ZCWPW2: variants seen among roughly 807,000 people sequenced by gnomAD.
ZCWPW2 encodes the protein zinc finger CW-type and PWWP domain containing 2.
Under a neutral mutation model 46.6 loss-of-function variants are expected in ZCWPW2, and 45 were observed. That is an observed-to-expected ratio of 0.96 (90% confidence interval 0.76 to 1.24). ZCWPW2 has a LOEUF of 1.24. ZCWPW2 is among the 50% of genes most tolerant of loss of function. The pLI, the probability that ZCWPW2 is intolerant of heterozygous loss-of-function variation, is 0.00. For synonymous variants in ZCWPW2, 152 were observed against 137.1 expected (o/e 1.11, Z -0.76); for missense variants, 429 against 403.9 (o/e 1.06, Z -0.53).
At chr3:28,362,538 A>T (rs1158986319) in intron 1 of ZCWPW2, among the ~76,000 whole-genome samples, 1 of 152,192 alleles carries the variant, frequency 6.6e-6, no homozygotes, top group Non-Finnish European at 1.5e-5. Flanking sequence ...ATCTCCCACC[A>T]GTCAGAATGG....
At chr3:28,407,258 C>G (rs1180790209) in intron 2 of ZCWPW2, among the ~76,000 whole-genome samples, 4 of 152,150 alleles carry the variant, frequency 2.6e-5, no homozygotes, top group Non-Finnish European at 4.4e-5. Flanking sequence ...AAATTATTTT[C>G]TCATTTGTGT....
At chr3:28,400,918 G>A (rs532265298) in intron 2 of ZCWPW2, among the ~76,000 whole-genome samples, 14 of 152,232 alleles carry the variant, frequency 9.2e-5, no homozygotes, top group South Asian at 6.2e-4. Context: ...GGTGGCTCAC[G>A]CCTGTAATCC....
intron 4 of ZCWPW2, among the ~76,000 whole-genome samples, chr3:28,438,864 A>C: frequency 6.6e-6 from 1 of 152,098 alleles, no homozygotes; most frequent in Non-Finnish European, 1.5e-5. Context: ...AAAGAAATTT[A>C]GGAACAGAAA....
chr3:28,358,093 C>A (rs1704808518), intron 1 of ZCWPW2, among the ~76,000 whole-genome samples: 1 of 151,960 alleles, frequency 6.6e-6, no homozygotes, highest in South Asian at 2.1e-4. Context: ...ATCCCACAGT[C>A]AAATCTGTTC....
intron 4 of ZCWPW2, among the ~76,000 whole-genome samples, chr3:28,474,281 ACCT>A (rs1559519664): frequency 1.3e-5 from 2 of 152,296 alleles, no homozygotes; most frequent in South Asian, 4.1e-4. Context: ...GTAAACTTTG[ACCT>A]CCTCATTCAA....
intron 4 of ZCWPW2, among the ~76,000 whole-genome samples, chr3:28,470,020 T>C (rs918458952): frequency 2.6e-5 from 4 of 152,184 alleles, no homozygotes; most frequent in African/African-American, 9.7e-5. Flanking sequence ...ATAGACCATA[T>C]GTTAGGTCAC....
At chr3:28,436,562 T>A (rs559489768) in intron 4 of ZCWPW2, among the ~76,000 whole-genome samples, 1 of 152,254 alleles carries the variant, frequency 6.6e-6, no homozygotes, top group African/African-American at 2.4e-5. Context: ...TTAGGGGTAC[T>A]TTTTAATGGG....
At chr3:28,355,349 A>T (rs1239317138) in intron 1 of ZCWPW2, among the ~76,000 whole-genome samples, 3 of 152,258 alleles carry the variant, frequency 2.0e-5, no homozygotes, top group African/African-American at 7.2e-5. Context: ...AAAATAAAAG[A>T]GGACGCAAAT....
intron 4 of ZCWPW2, among the ~76,000 whole-genome samples, chr3:28,473,098 TA>T (rs1699098766): frequency 6.6e-6 from 1 of 152,154 alleles, no homozygotes; most frequent in African/African-American, 2.4e-5. Context: ...GGTGAGGATG[TA>T]GAGAAAAGGG....
intron 4 of ZCWPW2, among the ~76,000 whole-genome samples, chr3:28,453,289 T>G (rs1004821011): frequency 6.6e-6 from 1 of 152,206 alleles, no homozygotes; most frequent in African/African-American, 2.4e-5. Flanking sequence ...CCAACTAAAT[T>G]GTTGAATTCA....
intron 6 of ZCWPW2, among the ~76,000 whole-genome samples, chr3:28,507,062 T>A (rs1037264499): frequency 6.6e-6 from 1 of 152,154 alleles, no homozygotes; most frequent in African/African-American, 2.4e-5. Context: ...TCAGGTGACT[T>A]ACAAAAATGA....
At chr3:28,493,198 T>G (rs1233719222) in intron 6 of ZCWPW2, among the ~76,000 whole-genome samples, 1 of 144,052 alleles carries the variant, frequency 6.9e-6, no homozygotes, top group Non-Finnish European at 1.5e-5. Flanking sequence ...GTGCACATTG[T>G]GCAGGTTAGT....
At chr3:28,435,972 C>G (rs576723392) in intron 4 of ZCWPW2, among the ~76,000 whole-genome samples, 44 of 152,232 alleles carry the variant, frequency 2.9e-4, no homozygotes, top group African/African-American at 1.0e-3. Context: ...TTTTCAATTT[C>G]AAATGGAATA....
intron 4 of ZCWPW2, among the ~76,000 whole-genome samples, chr3:28,476,363 T>G (rs972346635): frequency 1.3e-5 from 2 of 152,154 alleles, no homozygotes; most frequent in African/African-American, 2.4e-5. Context: ...TTGAGTTCCT[T>G]AGGAGGTTTT....
chr3:28,464,799 T>C (rs1312390643), intron 4 of ZCWPW2, among the ~76,000 whole-genome samples: 3 of 152,160 alleles, frequency 2.0e-5, no homozygotes, highest in South Asian at 4.1e-4. Context: ...TTTGGATTTT[T>C]AATATTGGGG....
intron 4 of ZCWPW2, among the ~76,000 whole-genome samples, chr3:28,435,751 G>T (rs1157479898): frequency 6.6e-6 from 1 of 152,122 alleles, no homozygotes; most frequent in East Asian, 1.9e-4. Context: ...CTCCGAAAGT[G>T]CTGGGATTAC....
At chr3:28,359,087 T>G (rs764229657) in intron 1 of ZCWPW2, among the ~76,000 whole-genome samples, 1 of 152,030 alleles carries the variant, frequency 6.6e-6, no homozygotes. Context: ...AATTAAGTAA[T>G]TGAGTTTTAG....
chr3:28,412,966 A>G, intron 2 of ZCWPW2, 90 bp from the exon 3 acceptor site: 1 of 1,014,928 alleles, frequency 9.9e-7, no homozygotes, highest in Non-Finnish European at 1.4e-6. Context: ...GAAGATATCA[A>G]AGAGGAATTT....
chr3:28,444,838 A>C (rs1012571132), intron 4 of ZCWPW2, among the ~76,000 whole-genome samples: 2 of 152,198 alleles, frequency 1.3e-5, no homozygotes, highest in Non-Finnish European at 2.9e-5. Flanking sequence ...TTGGTTCTCC[A>C]GATATGGTCA....
Sources: gnomAD v4.1 joint callset for allele counts (sites outside exome capture counted in the v4.1 genomes callset) on GRCh38, gnomAD v4.1.1 for gene constraint, MANE v1.5 for transcripts, NCBI Gene and HGNC (gene_info 2026-07-23, HGNC 2026-07-21) for gene names.